Variants in TENM3 observed in about 807,000 individuals in gnomAD.
The protein encoded by TENM3 is teneurin transmembrane protein 3.
In TENM3, 63 loss-of-function variants were observed where a neutral mutation model predicts 255.1. The ratio of observed to expected loss-of-function variants is 0.25; its 90% CI spans 0.20 to 0.30. The LOEUF (loss-of-function observed/expected upper bound fraction) is 0.30. Ranked by LOEUF, TENM3 falls within the 10% of genes least tolerant of loss-of-function variation. TENM3 has a pLI of 1.00. For missense variants in TENM3, 2,929 were observed against 3,461.1 expected, an observed-to-expected ratio of 0.85 and a Z score of 3.86; for synonymous variants, 1,306 against 1,322.3, an observed-to-expected ratio of 0.99 and a Z score of 0.27.
At chr4:182,285,688 T>C (rs919390048) in intron 1 of TENM3, among the ~76,000 whole-genome samples, 3 of 152,046 alleles carry the variant, frequency 2.0e-5, no homozygotes, top group Non-Finnish European at 4.4e-5. Flanking sequence ...AATTGGAGAA[T>C]GGGAAGATTT....
chr4:181,699,442 C>CAAAAAGAAAAAAAAAA, the TENM3 span, among the ~76,000 whole-genome samples: 1 of 44,066 alleles, frequency 2.3e-5, no homozygotes, highest in Non-Finnish European at 4.1e-5. Flanking sequence ...GACCCTGTCG[C>CAAAAAGAAAAAAAAAA]AAAAAAAAAA....
the TENM3 span, among the ~76,000 whole-genome samples, chr4:181,596,308 A>C: frequency 1.3e-5 from 2 of 152,218 alleles, no homozygotes; most frequent in Non-Finnish European, 2.9e-5. Flanking sequence ...TTTTGTCTCT[A>C]GATGTGTTTT....
the TENM3 span, among the ~76,000 whole-genome samples, chr4:181,496,340 T>C: frequency 1.5e-5 from 2 of 129,708 alleles, no homozygotes; most frequent in Non-Finnish European, 3.0e-5. Flanking sequence ...TGCACATTTA[T>C]GATTAAATTT....
At chr4:181,699,643 C>T in the TENM3 span, among the ~76,000 whole-genome samples, 1 of 151,950 alleles carries the variant, frequency 6.6e-6, no homozygotes, top group Non-Finnish European at 1.5e-5. Flanking sequence ...TACATTTATG[C>T]AGTTTAATTG....
the TENM3 span, among the ~76,000 whole-genome samples, chr4:181,971,666 A>T: frequency 6.6e-6 from 1 of 152,010 alleles, no homozygotes; most frequent in East Asian, 1.9e-4. Context: ...TCCTGAGCTC[A>T]AGCAATCCTC....
chr4:182,744,951 A>C (rs961145887), intron 19 of TENM3, among the ~76,000 whole-genome samples: 2 of 152,214 alleles, frequency 1.3e-5, no homozygotes, highest in African/African-American at 4.8e-5. Context: ...GATAGAAAAA[A>C]AAAGGCGGAG....
chr4:181,472,986 T>G, the TENM3 span, among the ~76,000 whole-genome samples: 1 of 152,224 alleles, frequency 6.6e-6, no homozygotes, highest in Non-Finnish European at 1.5e-5. Flanking sequence ...TTGACTGATC[T>G]AGACATAATT....
chr4:182,226,161 G>A (rs944577190), intron 1 of TENM3, among the ~76,000 whole-genome samples: 1 of 152,112 alleles, frequency 6.6e-6, no homozygotes, highest in Non-Finnish European at 1.5e-5. Context: ...CGAAAAGCTG[G>A]GTGGGGTGTC....
chr4:182,231,766 A>T (rs1756599519), intron 1 of TENM3, among the ~76,000 whole-genome samples: 1 of 152,166 alleles, frequency 6.6e-6, no homozygotes, highest in African/African-American at 2.4e-5. Flanking sequence ...ATGCTTGTAC[A>T]TCCCTGACAT....
At chr4:182,713,008 A>G (rs1333256954) in intron 12 of TENM3, among the ~76,000 whole-genome samples, 1 of 152,260 alleles carries the variant, frequency 6.6e-6, no homozygotes, top group African/African-American at 2.4e-5. Context: ...CCTCATAAAC[A>G]GATCACATTG....
At chr4:182,466,697 C>G (rs958694987) in intron 3 of TENM3, among the ~76,000 whole-genome samples, 1 of 151,874 alleles carries the variant, frequency 6.6e-6, no homozygotes, top group Non-Finnish European at 1.5e-5. Context: ...CCAGAATGAC[C>G]TCATCTTAAC....
intron 3 of TENM3, among the ~76,000 whole-genome samples, chr4:182,520,033 C>T (rs745764546): frequency 4.6e-5 from 7 of 151,874 alleles, no homozygotes; most frequent in Non-Finnish European, 8.8e-5. Context: ...TTAATGTTGG[C>T]TGTTAATGCT....
At chr4:181,679,862 A>G in the TENM3 span, among the ~76,000 whole-genome samples, 1 of 152,146 alleles carries the variant, frequency 6.6e-6, no homozygotes, top group Non-Finnish European at 1.5e-5. Flanking sequence ...TCACTTCTGC[A>G]TTATTTATGT....
chr4:182,316,710 G>T (rs1371458903), intron 1 of TENM3, among the ~76,000 whole-genome samples: 3 of 152,266 alleles, frequency 2.0e-5, no homozygotes, highest in East Asian at 3.9e-4. Flanking sequence ...TCACACACTT[G>T]TGTCGATCAG....
chr4:182,753,475 A>C lies in TENM3; in HGVS notation c.3888A>C (p.Leu1296Phe). The change falls in exon 21 of 28, where the codon TTA becomes TTC. Residue 1296 changes from leucine to phenylalanine, a missense_variant. Physicochemically the swap from Leu to Phe is conservative, Grantham distance 22. Coordinates refer to ENST00000511685, the MANE Select transcript of TENM3 (RefSeq NM_001080477.4). The part of the protein sequence containing the change: ...PKGMAVDKNG[L>F]IYFVDGTMIR... ...GAATGGCAGTTGATAAGAATGGATT[A>C]ATCTACTTTGTTGATGGAACCATGA... 6.2e-7 allele frequency: 1 copy of C among 1,613,826 alleles called. No homozygotes were observed. The highest frequency in any genetic ancestry group is 8.5e-7 in the Non-Finnish European group (1 of 1,179,738).
At chr4:182,584,588 TTAAA>T (rs1745816114) in intron 3 of TENM3, among the ~76,000 whole-genome samples, 1 of 152,206 alleles carries the variant, frequency 6.6e-6, no homozygotes, top group South Asian at 2.1e-4. Flanking sequence ...AGCAAATACT[TTAAA>T]TAAATGATAT....
the TENM3 span, among the ~76,000 whole-genome samples, chr4:182,093,609 A>G: frequency 6.6e-6 from 1 of 152,162 alleles, no homozygotes; most frequent in African/African-American, 2.4e-5. Flanking sequence ...GCAAACTTCC[A>G]CTTGCAGGAA....
chr4:182,168,435 C>T (rs947003803), intron 1 of TENM3, among the ~76,000 whole-genome samples: 1 of 152,118 alleles, frequency 6.6e-6, no homozygotes, highest in African/African-American at 2.4e-5. Flanking sequence ...GTGCCCAGCC[C>T]ACATATGTAT....
At chr4:181,584,801 G>A in the TENM3 span, among the ~76,000 whole-genome samples, 2 of 151,964 alleles carry the variant, frequency 1.3e-5, no homozygotes, top group African/African-American at 2.4e-5. Flanking sequence ...CAACATGCAC[G>A]AACATGGGTG....
Sources: gnomAD v4.1 joint callset for allele counts (sites outside exome capture counted in the v4.1 genomes callset) on GRCh38, gnomAD v4.1.1 for gene constraint, MANE v1.5 for transcripts, NCBI Gene and HGNC (gene_info 2026-07-23, HGNC 2026-07-21) for gene names.